ATP8B4: variants seen among roughly 807,000 people sequenced by gnomAD.
The protein encoded by ATP8B4 is probable phospholipid-transporting ATPase IM.
A neutral mutation model predicts 145.6 loss-of-function variants in ATP8B4; 133 were observed. The ratio of observed to expected loss-of-function variants is 0.91; its 90% CI spans 0.79 to 1.05. ATP8B4 has a LOEUF of 1.05. Ranked by LOEUF, ATP8B4 falls within the 50% of genes least tolerant of loss-of-function variation. The pLI, the probability that ATP8B4 is intolerant of heterozygous loss-of-function variation, is 0.00. For synonymous variants in ATP8B4, 507 were observed against 492.9 expected, an observed-to-expected ratio of 1.03 and a Z score of -0.38; for missense variants, 1,458 against 1,425.2, an observed-to-expected ratio of 1.02 and a Z score of -0.37.
At chr15:50,032,178 T>C (rs2050495255) in intron 6 of ATP8B4, among the ~76,000 whole-genome samples, 1 of 151,976 alleles carries the variant, frequency 6.6e-6, no homozygotes, top group Admixed American at 6.6e-5. Flanking sequence ...ATGCTCTCCC[T>C]CCCCTTGCCC....
chr15:50,031,991 A>T (rs2050479507), intron 6 of ATP8B4, among the ~76,000 whole-genome samples: 1 of 152,100 alleles, frequency 6.6e-6, no homozygotes. Context: ...CTGTTTGGGG[A>T]TTTACATGTA....
rs555103736 is a variant in ATP8B4, at chr15:49,979,682, T to G, written c.969A>C (p.Gly323=). The change falls in exon 12 of 28, where the codon GGA becomes GGC. Residue 323 remains glycine, a synonymous_variant. Transcript: ENST00000284509. ...TAATATATGACCAGAATGTTAAGAA[T>G]CCGGAGAACACAGAGCTCTTCTCTC... is the stretch of plus-strand genomic sequence containing the variant. ...NEGEKSSVFS[G]FLTFWSYIII... 3 of 1,607,548 alleles carry G rather than the reference T, an allele frequency of 1.9e-6. No homozygotes were observed. The highest frequency in any genetic ancestry group is 2.6e-6 in the Non-Finnish European group (3 of 1,175,288).
chr15:49,861,115 C>A (rs2031625587), intron 27 of ATP8B4, among the ~76,000 whole-genome samples: 1 of 145,908 alleles, frequency 6.9e-6, no homozygotes, highest in Non-Finnish European at 1.5e-5. Context: ...GAGAAAAAGA[C>A]CTGAGGTTTG....
At chr15:50,008,592 A>G (rs565422459) in intron 7 of ATP8B4, among the ~76,000 whole-genome samples, 6 of 152,368 alleles carry the variant, frequency 3.9e-5, no homozygotes, top group African/African-American at 1.2e-4. Flanking sequence ...AAGTAAGCAC[A>G]CATACCATAA....
intron 20 of ATP8B4, among the ~76,000 whole-genome samples, chr15:49,912,408 A>T (rs932800172): frequency 5.9e-5 from 9 of 152,172 alleles, no homozygotes; most frequent in Non-Finnish European, 7.4e-5. Context: ...GCTAACTAAC[A>T]GGAAAACCTA....
intron 6 of ATP8B4, among the ~76,000 whole-genome samples, chr15:50,027,178 C>T (rs930328779): frequency 6.6e-6 from 1 of 152,138 alleles, no homozygotes; most frequent in Admixed American, 6.5e-5. Flanking sequence ...TGTGTGCACC[C>T]AAAGCACCCA....
intron 6 of ATP8B4, among the ~76,000 whole-genome samples, chr15:50,020,576 C>T (rs1231443071): frequency 6.6e-6 from 1 of 152,122 alleles, no homozygotes; most frequent in East Asian, 1.9e-4. Flanking sequence ...CACACCTCTC[C>T]CCTAAGCTTC....
At chr15:50,107,589 G>C (rs1488879070) in intron 1 of ATP8B4, among the ~76,000 whole-genome samples, 1 of 151,938 alleles carries the variant, frequency 6.6e-6, no homozygotes, top group Non-Finnish European at 1.5e-5. Flanking sequence ...TAAACTCTTA[G>C]AGATTTAGAA....
rs576070687 is a variant in ATP8B4 at position 50,078,412 on chromosome 15, CAG to C, written c.29-4229_29-4228del. Among the ~76,000 whole-genome samples, 11 of 151,820 alleles carry C rather than the reference CAG, an allele frequency of 7.2e-5. No homozygotes were observed. In the East Asian group the frequency reaches 2.1e-3, roughly 30 times the overall value. ...AACAAGCTAATATAAACAAAGAAAA[CAG>C]AGAACAAGAAAAAGTCCCTAGAAAT... On this transcript the variant is annotated intron_variant, in intron 2 of 27. Coordinates refer to ENST00000284509, the MANE Select transcript of ATP8B4 (RefSeq NM_024837.4).
intron 4 of ATP8B4, among the ~76,000 whole-genome samples, chr15:50,045,911 T>C (rs2051678645): frequency 6.6e-6 from 1 of 152,190 alleles, no homozygotes; most frequent in Non-Finnish European, 1.5e-5. Flanking sequence ...AGCAACTTCA[T>C]GGGGAGAGGT....
intron 12 of ATP8B4, among the ~76,000 whole-genome samples, chr15:49,974,724 G>A (rs1051314097): frequency 8.6e-5 from 13 of 151,796 alleles, no homozygotes; most frequent in Non-Finnish European, 1.3e-4. Context: ...TATCCCAATT[G>A]AAATTTTTGA....
chr15:49,948,716 A>G (rs970634973), intron 14 of ATP8B4, among the ~76,000 whole-genome samples: 1 of 152,174 alleles, frequency 6.6e-6, no homozygotes, highest in African/African-American at 2.4e-5. Context: ...TCAGATGGGT[A>G]GATTGCAAAA....
At position 49,919,838 on chromosome 15, in the gene ATP8B4, C is replaced by T. The variant is rs184060748; in HGVS notation, c.1923+408G>A. ...TTAGAATAGACCATGCTCTGGATAGCACAGATATCATCAGAATCTCATGGC... is the reference window on the plus strand; with the variant it reads ...TTAGAATAGACCATGCTCTGGATAGTACAGATATCATCAGAATCTCATGGC... On this transcript the variant is annotated intron_variant, in intron 18 of 27. Coordinates refer to ENST00000284509, the MANE Select transcript of ATP8B4 (RefSeq NM_024837.4). 1.4e-3 allele frequency among the ~76,000 whole-genome samples: 209 copies of T among 152,284 alleles called. 1 individual carries two copies. The highest frequency in any genetic ancestry group is 4.9e-3 in the African/African-American group (203 of 41,546).
At chr15:50,020,459 A>G (rs1000364154) in intron 6 of ATP8B4, among the ~76,000 whole-genome samples, 76 of 151,460 alleles carry the variant, frequency 5.0e-4, no homozygotes, top group African/African-American at 1.8e-3. Flanking sequence ...TTTAGTAGAG[A>G]CAGGGTTTCA....
chr15:50,160,038 T>TTTTTTTTTTTGGA (rs2044492829), intron 1 of ATP8B4, among the ~76,000 whole-genome samples: 1 of 143,558 alleles, frequency 7.0e-6, no homozygotes, highest in African/African-American at 2.6e-5. Flanking sequence ...TTTTTTTTTT[T>TTTTTTTTTTTGGA]GCTGGGAGAC....
At chr15:50,095,819 A>T (rs1033953715) in intron 2 of ATP8B4, among the ~76,000 whole-genome samples, 3 of 152,174 alleles carry the variant, frequency 2.0e-5, no homozygotes. Context: ...TACTTGTCAG[A>T]GCAATATTCA....
At chr15:50,025,848 T>C (rs938599831) in intron 6 of ATP8B4, among the ~76,000 whole-genome samples, 24 of 152,272 alleles carry the variant, frequency 1.6e-4, no homozygotes, top group African/African-American at 5.1e-4. Context: ...TCAATAAAGA[T>C]TGACAAGTAA....
chr15:50,094,642 ATAT>A (rs201654597), intron 2 of ATP8B4, among the ~76,000 whole-genome samples: 1,658 of 147,754 alleles, frequency 0.011, 106 homozygotes, highest in Admixed American at 0.099. Context: ...ATATATTTTT[ATAT>A]TATTATATAT....
chr15:50,118,808 G>C, intron 1 of ATP8B4, among the ~76,000 whole-genome samples: 1 of 151,800 alleles, frequency 6.6e-6, no homozygotes. Context: ...AAGTGACAAA[G>C]ACCTACAAAC....
Sources: allele counts gnomAD v4.1 joint callset (sites outside exome capture counted in the v4.1 genomes callset), GRCh38; gene constraint gnomAD v4.1.1; transcripts MANE v1.5; gene names NCBI Gene and HGNC (gene_info 2026-07-23, HGNC 2026-07-21).